TRDN: variants seen among roughly 807,000 people sequenced by gnomAD.
The protein encoded by TRDN is triadin, also known as triadin in skeletal muscle.
TRDN carries 161 observed loss-of-function variants against 149.7 expected under a neutral mutation model. The ratio of observed to expected loss-of-function variants is 1.08; its 90% CI spans 0.95 to 1.23. The LOEUF is 1.23. Among genes scored for constraint, TRDN ranks in the 50% most tolerant of loss-of-function variants. TRDN has a pLI of 0.00. For missense variants in TRDN, 896 were observed against 823.5 expected, an observed-to-expected ratio of 1.09 and a Z score of -1.08; for synonymous variants, 294 against 250.5, an observed-to-expected ratio of 1.17 and a Z score of -1.64.
At chr6:123,543,287 A>G (rs1195816172) in intron 4 of TRDN, among the ~76,000 whole-genome samples, 3 of 152,176 alleles carry the variant, frequency 2.0e-5, no homozygotes, top group African/African-American at 7.2e-5. Flanking sequence ...ATTTTATTTA[A>G]TAAATGTTCA....
At chr6:123,500,631 A>G (rs569278625) in intron 8 of TRDN, among the ~76,000 whole-genome samples, 1 of 152,288 alleles carries the variant, frequency 6.6e-6, no homozygotes, top group South Asian at 2.1e-4. Context: ...TTCTTGGAAT[A>G]ACACATGCTG....
At chr6:123,415,578 C>T (rs941790331) in intron 12 of TRDN, among the ~76,000 whole-genome samples, 1 of 152,096 alleles carries the variant, frequency 6.6e-6, no homozygotes, top group Non-Finnish European at 1.5e-5. Context: ...ATTTATTAGG[C>T]AAACACTATA....
chr6:123,529,539 A>T (rs1158543869), intron 5 of TRDN: 5 of 580,394 alleles, frequency 8.6e-6, no homozygotes, highest in Non-Finnish European at 1.5e-5. Context: ...CAGCAACAAC[A>T]TGGCATTGTA....
chr6:123,459,115 C>T (rs1467102942), intron 10 of TRDN, among the ~76,000 whole-genome samples: 3 of 152,184 alleles, frequency 2.0e-5, no homozygotes. Context: ...CTATATCTCC[C>T]TCATTTGTAA....
chr6:123,352,439 T>A, intron 21 of TRDN, 100 bp downstream of exon 21: 1 of 1,528,498 alleles, frequency 6.5e-7, no homozygotes, highest in Non-Finnish European at 8.8e-7. Context: ...GTAATAGACT[T>A]AAAGGTTATT....
At chr6:123,621,612 C>A (rs1038517313) in intron 1 of TRDN, among the ~76,000 whole-genome samples, 3 of 152,202 alleles carry the variant, frequency 2.0e-5, no homozygotes, top group African/African-American at 7.2e-5. Context: ...TAGCTACATA[C>A]AACAACATAG....
rs370784838 is a variant in TRDN at position 123,366,118 on chromosome 6, C to A, written c.1321+17G>T. 19 of 1,606,016 alleles carry A rather than the reference C, an allele frequency of 1.2e-5. No individual in the cohort carries two copies. The highest frequency in any genetic ancestry group is 1.6e-5 in the Non-Finnish European group (19 of 1,173,594). ...TAACTTATAGTTATGACATCTTTAT[C>A]TTTAAGCTGCATTTACCTTTTTTAA... On this transcript the variant is annotated intron_variant, in intron 20 of 40. Transcript: ENST00000334268.
At position 123,382,435 on chromosome 6, in the gene TRDN, T is replaced by C. The variant is rs139022251; in HGVS notation, c.1136-288A>G. 2.0e-3 allele frequency among the ~76,000 whole-genome samples: 311 copies of C among 151,850 alleles called. 14 individuals are homozygous for C. In the East Asian group the frequency reaches 0.047, roughly 23 times the overall value. The stretch of plus-strand genomic sequence containing the variant: ...GGAAAATATACCCACATATAATTTA[T>C]AAAGAAATTTTGTTTTGCCTATGTA... On this transcript the variant is annotated intron_variant, in intron 14 of 40. Transcript: ENST00000334268.
At chr6:123,409,067 T>C (rs990364145) in intron 12 of TRDN, among the ~76,000 whole-genome samples, 3 of 152,222 alleles carry the variant, frequency 2.0e-5, no homozygotes, top group African/African-American at 7.2e-5. Context: ...GAACTTTTCT[T>C]TAATGCAACA....
intron 9 of TRDN, among the ~76,000 whole-genome samples, chr6:123,494,357 T>A (rs1485869773): frequency 1.3e-5 from 2 of 152,118 alleles, no homozygotes; most frequent in Admixed American, 6.6e-5. Flanking sequence ...GTTGTTAGAT[T>A]TTTCAGAAAG....
At chr6:123,232,940 C>T (rs887624796) in intron 38 of TRDN, among the ~76,000 whole-genome samples, 1 of 151,984 alleles carries the variant, frequency 6.6e-6, no homozygotes, top group Admixed American at 6.6e-5. Flanking sequence ...TTCATCTCTA[C>T]CAGCAGTCTA....
At chr6:123,559,551 C>T (rs908497748) in intron 2 of TRDN, among the ~76,000 whole-genome samples, 3 of 152,256 alleles carry the variant, frequency 2.0e-5, no homozygotes, top group Admixed American at 6.5e-5. Context: ...CCCTCCTTGG[C>T]AACCGATCAT....
intron 22 of TRDN, among the ~76,000 whole-genome samples, chr6:123,335,199 C>T (rs996110337): frequency 3.3e-5 from 5 of 151,412 alleles, no homozygotes; most frequent in South Asian, 2.1e-4. Context: ...AAACAGTATT[C>T]GACTTATATA....
At chr6:123,594,061 G>A (rs1783915466) in intron 1 of TRDN, among the ~76,000 whole-genome samples, 1 of 152,058 alleles carries the variant, frequency 6.6e-6, no homozygotes, top group African/African-American at 2.4e-5. Flanking sequence ...GTAGAAAAGT[G>A]TATATTTTAA....
intron 38 of TRDN, among the ~76,000 whole-genome samples, chr6:123,236,535 C>T (rs1019289470): frequency 4.6e-5 from 7 of 152,040 alleles, no homozygotes; most frequent in Non-Finnish European, 1.0e-4. Flanking sequence ...AATGTTAGGT[C>T]TCAAAGATGT....
chr6:123,387,958 G>A (rs758290598), intron 14 of TRDN, among the ~76,000 whole-genome samples: 2 of 152,028 alleles, frequency 1.3e-5, no homozygotes, highest in Non-Finnish European at 2.9e-5. Flanking sequence ...CATGGACACT[G>A]GATCTCTTGA....
chr6:123,366,539 C>T (rs554565734), intron 19 of TRDN, among the ~76,000 whole-genome samples: 38 of 151,500 alleles, frequency 2.5e-4, no homozygotes, highest in South Asian at 4.2e-4. Context: ...TTTTTTTAAA[C>T]GGAGATTGGC....
chr6:123,263,052 G>C (rs574665577), intron 33 of TRDN, among the ~76,000 whole-genome samples: 1 of 152,172 alleles, frequency 6.6e-6, no homozygotes, highest in East Asian at 1.9e-4. Flanking sequence ...TAGTGAGAAA[G>C]GCATGTTGAA....
intron 4 of TRDN, among the ~76,000 whole-genome samples, chr6:123,533,821 G>A (rs1425545129): frequency 1.3e-5 from 2 of 152,066 alleles, no homozygotes; most frequent in East Asian, 1.9e-4. Context: ...TGAAAGGTAA[G>A]TACTTGCATG....
Sources: gnomAD v4.1 joint callset for allele counts (sites outside exome capture counted in the v4.1 genomes callset) on GRCh38, gnomAD v4.1.1 for gene constraint, MANE v1.5 for transcripts, NCBI Gene and HGNC (gene_info 2026-07-23, HGNC 2026-07-21) for gene names.